Variants in SCUBE1 observed in about 807,000 individuals in gnomAD.
SCUBE1 encodes signal peptide, CUB and EGF-like domain-containing protein 1.
SCUBE1 carries 59 observed loss-of-function variants against 124.4 expected under a neutral mutation model. The ratio of observed to expected loss-of-function variants is 0.47; its 90% CI spans 0.38 to 0.59. The LOEUF (loss-of-function observed/expected upper bound fraction) is 0.59. Among genes scored for constraint, SCUBE1 ranks in the 20% least tolerant of loss-of-function variants. The probability of loss-of-function intolerance (pLI) is 0.00; values close to 1 mark genes in which losing one functional copy is unlikely to be tolerated. For synonymous variants in SCUBE1, 545 were observed against 550.9 expected, an observed-to-expected ratio of 0.99 and a Z score of 0.15; for missense variants, 1,150 against 1,371.2, an observed-to-expected ratio of 0.84 and a Z score of 2.55.
chr22:43,282,592 C>T (rs1364960742), intron 4 of SCUBE1: 1 of 152,270 alleles, frequency 6.6e-6, no homozygotes, highest in East Asian at 1.9e-4. Context: ...CTCCCAACAG[C>T]ATCCTGCCTA....
At chr22:43,274,117 T>C (rs928677806) in intron 4 of SCUBE1, among the ~76,000 whole-genome samples, 3 of 152,284 alleles carry the variant, frequency 2.0e-5, no homozygotes, top group Admixed American at 6.5e-5. Context: ...CCCACGGACC[T>C]GAGGTCTTGC....
chr22:43,239,344 G>A (rs1922904540), intron 6 of SCUBE1, among the ~76,000 whole-genome samples: 2 of 152,262 alleles, frequency 1.3e-5, no homozygotes. Flanking sequence ...CAGACTCCAA[G>A]TCCAGGCTAG....
intron 3 of SCUBE1, among the ~76,000 whole-genome samples, chr22:43,292,601 C>T (rs1308661823): frequency 1.4e-5 from 1 of 70,018 alleles, no homozygotes; most frequent in East Asian, 9.0e-4. Flanking sequence ...ACACACTCTT[C>T]GGTGTTGAGC....
chr22:43,343,280 T>TGGGCGTGC lies in SCUBE1; in HGVS notation c.-27_-20dup, dbSNP rs554986079. 22,034 of 1,097,236 alleles carry TGGGCGTGC rather than the reference T, an allele frequency of 0.02. 525 individuals are homozygous for TGGGCGTGC. Among genetic ancestry groups the TGGGCGTGC allele is most frequent in the African/African-American group, 0.11 (6,285 of 59,118 alleles). The allele number at this position is 1,097,236 out of a possible 1,614,324, so 68.0% of individuals were successfully genotyped here. A position where few individuals can be genotyped will look rare whatever the true frequency, so the allele number is the denominator to read the frequency against. ...CGCCCATGCTCAATGCGGGCCCCGC[T>TGGGCGTGC]GGGCGTGCGGGCGTGCGGGGCGCGG... On this transcript the variant is annotated 5_prime_UTR_variant, in exon 1 of 22. Coordinates refer to ENST00000360835, the MANE Select transcript of SCUBE1 (RefSeq NM_173050.5).
chr22:43,203,986 G>A lies in SCUBE1; in HGVS notation c.*11C>T, dbSNP rs41277515. Reference sequence around the variant, plus strand: ...GACCAGGCCACCCCCAGGCAGGGCCGCTCCCCCCGGTTATTTGTAGGGCCG... The same window carrying A: ...GACCAGGCCACCCCCAGGCAGGGCCACTCCCCCCGGTTATTTGTAGGGCCG... On this transcript the variant is annotated 3_prime_UTR_variant, in exon 22 of 22. Coordinates refer to ENST00000360835, the MANE Select transcript of SCUBE1 (RefSeq NM_173050.5). The A allele has an allele frequency of 6.8e-6, 11 of 1,613,740 alleles. No individual in the cohort carries two copies. Among genetic ancestry groups the A allele is most frequent in the African/African-American group, 6.7e-5 (5 of 75,052 alleles).
intron 2 of SCUBE1, among the ~76,000 whole-genome samples, chr22:43,334,587 C>G (rs1927003548): frequency 6.6e-6 from 1 of 151,386 alleles, no homozygotes; most frequent in South Asian, 2.1e-4. Flanking sequence ...CCCTCATCAA[C>G]AGCACCATAA....
chr22:43,209,278 G>C (rs1162391004), intron 19 of SCUBE1, among the ~76,000 whole-genome samples: 1 of 152,172 alleles, frequency 6.6e-6, no homozygotes, highest in Non-Finnish European at 1.5e-5. Context: ...AGCGTCTGTG[G>C]GTGTCTGGGT....
chr22:43,241,363 C>T (rs1321532540), intron 6 of SCUBE1, among the ~76,000 whole-genome samples: 3 of 152,144 alleles, frequency 2.0e-5, no homozygotes, highest in African/African-American at 4.8e-5. Context: ...CCTCGTGGCT[C>T]CTGTGCCCTC....
intron 6 of SCUBE1, among the ~76,000 whole-genome samples, chr22:43,253,407 C>G (rs1187489662): frequency 6.6e-6 from 1 of 152,140 alleles, no homozygotes; most frequent in Non-Finnish European, 1.5e-5. Flanking sequence ...TATTGGCTCT[C>G]CCTTTGCTTC....
Position 43,224,149 on chromosome 22 carries a change from A to C in SCUBE1, c.1208-933T>G, listed in dbSNP as rs968549333. On this transcript the variant is annotated intron_variant, in intron 10 of 21. Coordinates refer to ENST00000360835, the MANE Select transcript of SCUBE1 (RefSeq NM_173050.5). ...GGAGGTTCCTCCAAGATTGTTTTAGAAACCCTTGCTTCCCAGTGTCCTTTG... is the reference window on the plus strand; with the variant it reads ...GGAGGTTCCTCCAAGATTGTTTTAGCAACCCTTGCTTCCCAGTGTCCTTTG... 5.9e-5 allele frequency among the ~76,000 whole-genome samples: 9 copies of C among 152,200 alleles called. No individual in the cohort carries two copies. In the South Asian group the frequency reaches 6.2e-4, roughly 11 times the overall value.
At chr22:43,324,306 G>T (rs564036375) in intron 2 of SCUBE1, among the ~76,000 whole-genome samples, 3 of 152,074 alleles carry the variant, frequency 2.0e-5, no homozygotes, top group Non-Finnish European at 4.4e-5. Flanking sequence ...TCCCCATAAC[G>T]TAGGCCACAG....
intron 19 of SCUBE1, 55 bp from the exon 20 acceptor site, chr22:43,208,279 T>G: frequency 6.3e-7 from 1 of 1,578,534 alleles, no homozygotes; most frequent in Non-Finnish European, 8.7e-7. Context: ...CCTCCTGCCC[T>G]AGGCCACTCG....
intron 2 of SCUBE1, among the ~76,000 whole-genome samples, chr22:43,329,298 A>G (rs1220142739): frequency 1.3e-5 from 2 of 152,238 alleles, no homozygotes; most frequent in African/African-American, 4.8e-5. Flanking sequence ...GCCCCACTGA[A>G]GCCCACCCCT....
chr22:43,297,329 G>T (rs1041122380), intron 3 of SCUBE1, among the ~76,000 whole-genome samples: 1 of 152,218 alleles, frequency 6.6e-6, no homozygotes, highest in African/African-American at 2.4e-5. Context: ...CTGCTGTGAT[G>T]AGTCTGGCTG....
chr22:43,221,032 C>T lies in SCUBE1; in HGVS notation c.1549+141G>A, dbSNP rs930414026. On this transcript the variant is annotated intron_variant, in intron 13 of 21. Coordinates refer to ENST00000360835, the MANE Select transcript of SCUBE1 (RefSeq NM_173050.5). ...AGCCTGCAATGTCCTTGGAAACTCT[C>T]ATTCAATAAACAGCTGCCAGGTGAG... 1.1e-5 allele frequency: 7 copies of T among 635,232 alleles called. No individual in the cohort carries two copies. The African/African-American group carries it at 1.3e-4, about 12-fold the overall frequency. 39.3% of individuals were successfully genotyped at this position (635,232 alleles called of 1,614,324 possible).
intron 3 of SCUBE1, among the ~76,000 whole-genome samples, chr22:43,306,037 C>T (rs760022989): frequency 6.6e-6 from 1 of 152,142 alleles, no homozygotes; most frequent in Non-Finnish European, 1.5e-5. Flanking sequence ...GAACCTGTCC[C>T]GGTGCTGGGG....
intron 1 of SCUBE1, among the ~76,000 whole-genome samples, chr22:43,340,389 C>A (rs1927270969): frequency 6.6e-6 from 1 of 152,114 alleles, no homozygotes; most frequent in African/African-American, 2.4e-5. Flanking sequence ...TATACACTTT[C>A]AGTCTGGAAC....
intron 4 of SCUBE1, among the ~76,000 whole-genome samples, chr22:43,274,510 A>C (rs139044): frequency 6.6e-6 from 1 of 152,146 alleles, no homozygotes; most frequent in Non-Finnish European, 1.5e-5. Flanking sequence ...GCAGGTGCCC[A>C]GGCCATGGCC....
At chr22:43,327,587 G>A (rs753337424) in intron 2 of SCUBE1, among the ~76,000 whole-genome samples, 1 of 152,116 alleles carries the variant, frequency 6.6e-6, no homozygotes, top group African/African-American at 2.4e-5. Context: ...AGGAGTTCGA[G>A]ACCAGCCTGG....
Sources: gnomAD v4.1 joint callset for allele counts (sites outside exome capture counted in the v4.1 genomes callset) on GRCh38, gnomAD v4.1.1 for gene constraint, MANE v1.5 for transcripts, NCBI Gene and HGNC (gene_info 2026-07-23, HGNC 2026-07-21) for gene names.